FSTL4: variants seen among roughly 807,000 people sequenced by gnomAD.
The protein encoded by FSTL4 is follistatin-related protein 4.
In FSTL4, 28 loss-of-function variants were observed where a neutral mutation model predicts 78.2. The ratio of observed to expected loss-of-function variants is 0.36; its 90% CI spans 0.27 to 0.49. The LOEUF (loss-of-function observed/expected upper bound fraction) is 0.49. Ranked by LOEUF, FSTL4 falls within the 20% of genes least tolerant of loss-of-function variation. The pLI, the probability that FSTL4 is intolerant of heterozygous loss-of-function variation, is 0.98. For synonymous variants in FSTL4, 422 were observed against 440.5 expected (o/e 0.96, Z 0.53); for missense variants, 922 against 1,084.9 (o/e 0.85, Z 2.11).
the FSTL4 span, among the ~76,000 whole-genome samples, chr5:133,833,485 T>C: frequency 1.3e-5 from 2 of 152,234 alleles, no homozygotes; most frequent in Non-Finnish European, 2.9e-5. Context: ...CCTACATCTA[T>C]TTAGAATCAC....
At chr5:133,549,263 C>T (rs1759644888) in intron 3 of FSTL4, among the ~76,000 whole-genome samples, 1 of 152,126 alleles carries the variant, frequency 6.6e-6, no homozygotes, top group African/African-American at 2.4e-5. Flanking sequence ...GCCTCCTAAC[C>T]TTGATAGCTT....
chr5:133,385,933 G>T (rs958855855), intron 4 of FSTL4, among the ~76,000 whole-genome samples: 2 of 151,360 alleles, frequency 1.3e-5, no homozygotes, highest in Admixed American at 6.6e-5. Flanking sequence ...ATGTGTGTGT[G>T]TTTTTTTTTT....
At chr5:133,275,818 C>G (rs527659626) in intron 6 of FSTL4, 1 of 152,168 alleles carries the variant, frequency 6.6e-6, no homozygotes, top group Non-Finnish European at 1.5e-5. Context: ...GAGAAAGAAG[C>G]GGTGGGAGAG....
chr5:133,570,798 T>C (rs1760138657), intron 2 of FSTL4, among the ~76,000 whole-genome samples: 1 of 152,156 alleles, frequency 6.6e-6, no homozygotes, highest in African/African-American at 2.4e-5. Flanking sequence ...GAGAGAAAAG[T>C]CCATTGAGAT....
intron 4 of FSTL4, among the ~76,000 whole-genome samples, chr5:133,368,547 T>C (rs1755224540): frequency 6.6e-6 from 1 of 152,230 alleles, no homozygotes; most frequent in African/African-American, 2.4e-5. Context: ...GAGCAGCTGA[T>C]GTCAGAAGTG....
intron 3 of FSTL4, among the ~76,000 whole-genome samples, chr5:133,416,002 C>T (rs1185553255): frequency 6.6e-6 from 1 of 152,104 alleles, no homozygotes; most frequent in Non-Finnish European, 1.5e-5. Context: ...CAGCAAAACC[C>T]CAATAGCAAG....
At chr5:133,731,773 G>A in the FSTL4 span, among the ~76,000 whole-genome samples, 1 of 152,206 alleles carries the variant, frequency 6.6e-6, no homozygotes, top group South Asian at 2.1e-4. Context: ...GCAAGGAGCT[G>A]CTGACCGGAG....
the FSTL4 span, among the ~76,000 whole-genome samples, chr5:133,667,715 G>T: frequency 6.6e-6 from 1 of 151,868 alleles, no homozygotes; most frequent in South Asian, 2.1e-4. Flanking sequence ...CTCACTCCTA[G>T]CCTGCCCTCC....
At chr5:133,617,326 CT>C (rs1426047827), upstream of FSTL4, among the ~76,000 whole-genome samples, 2 of 148,842 alleles carry the variant, frequency 1.3e-5, no homozygotes, top group Non-Finnish European at 3.0e-5. Context: ...AAAAAAAGTC[CT>C]GCCTGAGGCA....
At chr5:133,734,592 C>G in the FSTL4 span, among the ~76,000 whole-genome samples, 1 of 152,180 alleles carries the variant, frequency 6.6e-6, no homozygotes, top group Non-Finnish European at 1.5e-5. Flanking sequence ...CACTAACACT[C>G]TACATCTGTG....
rs1202738544 is a variant in FSTL4, at chr5:133,583,402, T to C, written c.127-16183A>G. The C allele has an allele frequency of 3.0e-5, 9 of 300,406 alleles. 2 individuals are homozygous for C. The highest frequency in any genetic ancestry group is 6.0e-5 in the Non-Finnish European group (9 of 151,032). The allele number at this position is 300,406 out of a possible 1,614,324, so 18.6% of individuals were successfully genotyped here. A position where few individuals can be genotyped will look rare whatever the true frequency, so the allele number is the denominator to read the frequency against. On this transcript the variant is annotated intron_variant, in intron 2 of 15. Transcript: ENST00000265342. ...ATCTGAGGTACCGGGTTCATCTCAC[T>C]AGGGAGTGCCAGACAGTGGGCGCAG...
chr5:133,352,201 C>G (rs1202553054), intron 4 of FSTL4, among the ~76,000 whole-genome samples: 3 of 151,082 alleles, frequency 2.0e-5, no homozygotes, highest in Non-Finnish European at 4.4e-5. Context: ...AGTGCCACCC[C>G]TCCCCATTAG....
intron 3 of FSTL4, among the ~76,000 whole-genome samples, chr5:133,433,996 G>A (rs933272020): frequency 1.3e-5 from 2 of 152,114 alleles, no homozygotes; most frequent in African/African-American, 4.8e-5. Context: ...TGATGGGAAA[G>A]CCCTGGAGGG....
At chr5:133,818,073 T>G in the FSTL4 span, among the ~76,000 whole-genome samples, 15 of 152,344 alleles carry the variant, frequency 9.8e-5, no homozygotes, top group Admixed American at 3.3e-4. Flanking sequence ...TCTCATGGCA[T>G]GTGGCCCACC....
At chr5:133,514,183 A>G (rs1758802266) in intron 3 of FSTL4, among the ~76,000 whole-genome samples, 1 of 50,214 alleles carries the variant, frequency 2.0e-5, no homozygotes, top group South Asian at 7.7e-4. Context: ...CGTCTCAATG[A>G]TAATAATAAT....
chr5:133,547,158 C>G (rs1019304986), intron 3 of FSTL4, among the ~76,000 whole-genome samples: 1 of 152,180 alleles, frequency 6.6e-6, no homozygotes, highest in African/African-American at 2.4e-5. Flanking sequence ...TATTCTGCAG[C>G]CTCAAAACTT....
intron 4 of FSTL4, among the ~76,000 whole-genome samples, chr5:133,368,384 G>A (rs1755222072): frequency 6.6e-6 from 1 of 152,236 alleles, no homozygotes; most frequent in Admixed American, 6.5e-5. Context: ...ACTCCACTGG[G>A]AGGGGACACT....
intron 6 of FSTL4, among the ~76,000 whole-genome samples, chr5:133,298,496 TC>T (rs1753460009): frequency 6.6e-6 from 1 of 152,230 alleles, no homozygotes; most frequent in Non-Finnish European, 1.5e-5. Flanking sequence ...CAGGGCTCAG[TC>T]CAGAACTTGC....
chr5:133,628,175 C>G, the FSTL4 span, among the ~76,000 whole-genome samples: 15 of 152,076 alleles, frequency 9.9e-5, no homozygotes, highest in Non-Finnish European at 1.3e-4. Context: ...AGATCTAAAA[C>G]TGACACCCTA....
Sources: allele counts gnomAD v4.1 joint callset (sites outside exome capture counted in the v4.1 genomes callset), GRCh38; gene constraint gnomAD v4.1.1; transcripts MANE v1.5; gene names NCBI Gene and HGNC (gene_info 2026-07-23, HGNC 2026-07-21).